NOX4: variants seen among roughly 807,000 people sequenced by gnomAD.
NOX4 encodes the protein NADPH oxidase 4.
NOX4 carries 69 observed loss-of-function variants against 87.6 expected under a neutral mutation model. That is an observed-to-expected ratio of 0.79 (90% CI 0.65 to 0.96). The LOEUF (loss-of-function observed/expected upper bound fraction) is 0.96. Among genes scored for constraint, NOX4 ranks in the 40% least tolerant of loss-of-function variants. NOX4 has a pLI of 0.00. For missense variants in NOX4, 680 were observed against 681.5 expected, an observed-to-expected ratio of 1.00 and a Z score of 0.02; for synonymous variants, 275 against 238.2, an observed-to-expected ratio of 1.15 and a Z score of -1.42.
chr11:89,347,810 G>A (rs1381725941), intron 13 of NOX4, among the ~76,000 whole-genome samples: 1 of 152,052 alleles, frequency 6.6e-6, no homozygotes, highest in Non-Finnish European at 1.5e-5. Context: ...ATCATTTCTT[G>A]CCTGAATATG....
chr11:89,536,066 C>T, the NOX4 span, among the ~76,000 whole-genome samples: 2 of 150,406 alleles, frequency 1.3e-5, no homozygotes, highest in Non-Finnish European at 3.0e-5. Flanking sequence ...ATTTAATTAC[C>T]TTTGGTAGAT....
the NOX4 span, among the ~76,000 whole-genome samples, chr11:89,561,015 T>TATATATATATTATATATATATATATATAC: frequency 6.2e-5 from 5 of 80,508 alleles, no homozygotes; most frequent in African/African-American, 3.0e-4. Context: ...TATATATATA[T>TATATATATATTATATATATATATATATAC]ATATACATAC....
chr11:89,480,355 T>C (rs1946344404), intron 2 of NOX4, among the ~76,000 whole-genome samples: 1 of 152,126 alleles, frequency 6.6e-6, no homozygotes, highest in Non-Finnish European at 1.5e-5. Flanking sequence ...CTTTGTGAAA[T>C]GATAGGAGAC....
the NOX4 span, among the ~76,000 whole-genome samples, chr11:89,559,115 C>T: frequency 6.6e-6 from 1 of 151,850 alleles, no homozygotes; most frequent in Admixed American, 6.6e-5. Context: ...TATTAAGTGC[C>T]TGTCATATGC....
chr11:89,543,314 G>T, the NOX4 span, among the ~76,000 whole-genome samples: 1 of 152,154 alleles, frequency 6.6e-6, no homozygotes, highest in African/African-American at 2.4e-5. Flanking sequence ...GTTAGAAGTT[G>T]TTGTTCAAAT....
At chr11:89,572,560 G>GT in the NOX4 span, among the ~76,000 whole-genome samples, 17 of 151,790 alleles carry the variant, frequency 1.1e-4, no homozygotes, top group South Asian at 2.1e-4. Context: ...TTGTTTTTCT[G>GT]TTTTTTTGAG....
intron 12 of NOX4, among the ~76,000 whole-genome samples, chr11:89,366,185 T>A (rs1319901479): frequency 1.3e-5 from 2 of 151,948 alleles, no homozygotes; most frequent in Admixed American, 6.6e-5. Context: ...ACCAAGAAAA[T>A]CCCTCATAAT....
chr11:89,350,744 T>C (rs1365620711), intron 13 of NOX4, among the ~76,000 whole-genome samples: 1 of 152,206 alleles, frequency 6.6e-6, no homozygotes, highest in East Asian at 1.9e-4. Flanking sequence ...ATTTTTTTTA[T>C]GTTACAAAGC....
chr11:89,383,722 C>T (rs1332884854), intron 11 of NOX4, among the ~76,000 whole-genome samples: 1 of 152,154 alleles, frequency 6.6e-6, no homozygotes, highest in Non-Finnish European at 1.5e-5. Flanking sequence ...TTATCCCCAC[C>T]TGCCCAGCTC....
intron 5 of NOX4, chr11:89,443,881 C>T (rs1365726990): frequency 2.8e-6 from 1 of 360,616 alleles, no homozygotes; most frequent in East Asian, 4.9e-5. Context: ...CAGAGGCAGA[C>T]CTGAGTGGCA....
chr11:89,353,406 T>C (rs1937713386), intron 13 of NOX4, among the ~76,000 whole-genome samples: 1 of 152,200 alleles, frequency 6.6e-6, no homozygotes, highest in South Asian at 2.1e-4. Flanking sequence ...GGAAAGATCC[T>C]CTACCAGCAA....
At chr11:89,526,852 G>A in the NOX4 span, among the ~76,000 whole-genome samples, 1 of 152,158 alleles carries the variant, frequency 6.6e-6, no homozygotes. Context: ...TGGAGAGAGT[G>A]GGGTGTTGCT....
chr11:89,423,153 T>C (rs571273765), intron 7 of NOX4, among the ~76,000 whole-genome samples: 2 of 152,260 alleles, frequency 1.3e-5, no homozygotes, highest in East Asian at 1.9e-4. Context: ...AATTAAGGGA[T>C]ACACCTTTTT....
intron 5 of NOX4, chr11:89,443,315 A>G (rs1944537470): frequency 1.3e-5 from 2 of 151,874 alleles, no homozygotes; most frequent in African/African-American, 4.8e-5. Flanking sequence ...AACTCTGGTG[A>G]TATGTGGAGG....
chr11:89,525,365 T>C, the NOX4 span, among the ~76,000 whole-genome samples: 1 of 152,008 alleles, frequency 6.6e-6, no homozygotes, highest in African/African-American at 2.4e-5. Flanking sequence ...AGTTGTTCTA[T>C]CTTCTAGTCA....
At chr11:89,403,716 C>A (rs1052540692) in intron 8 of NOX4, among the ~76,000 whole-genome samples, 1 of 152,076 alleles carries the variant, frequency 6.6e-6, no homozygotes, top group African/African-American at 2.4e-5. Flanking sequence ...GCACTCCAGC[C>A]TGGACAATAA....
At chr11:89,579,826 G>A in the NOX4 span, among the ~76,000 whole-genome samples, 1 of 151,742 alleles carries the variant, frequency 6.6e-6, no homozygotes, top group Non-Finnish European at 1.5e-5. Flanking sequence ...CAAAAATGAA[G>A]TAGATGTATA....
chr11:89,391,974 CTTCT>C (rs553584065), intron 11 of NOX4, among the ~76,000 whole-genome samples: 31 of 146,912 alleles, frequency 2.1e-4, no homozygotes, highest in Non-Finnish European at 3.0e-4. Flanking sequence ...TCCTTCCTTC[CTTCT>C]TTCCTTCCTT....
chr11:89,470,091 T>C (rs1945864027), intron 2 of NOX4, among the ~76,000 whole-genome samples: 1 of 151,854 alleles, frequency 6.6e-6, no homozygotes, highest in African/African-American at 2.4e-5. Flanking sequence ...ATAATAATAA[T>C]AATAATAATA....
Sources: gnomAD v4.1 joint callset for allele counts (sites outside exome capture counted in the v4.1 genomes callset) on GRCh38, gnomAD v4.1.1 for gene constraint, MANE v1.5 for transcripts, NCBI Gene and HGNC (gene_info 2026-07-23, HGNC 2026-07-21) for gene names.